INPP4B: variants seen among roughly 807,000 people sequenced by gnomAD.
INPP4B encodes the protein inositol polyphosphate-4-phosphatase type II B, also known as inositol polyphosphate 4-phosphatase type II.
INPP4B carries 55 observed loss-of-function variants against 122.5 expected under a neutral mutation model. That is an observed-to-expected ratio of 0.45 (90% CI 0.36 to 0.56). The LOEUF (loss-of-function observed/expected upper bound fraction) is 0.56. Ranked by LOEUF, INPP4B falls within the 20% of genes least tolerant of loss-of-function variation. The probability of loss-of-function intolerance (pLI) is 0.00; values close to 1 mark genes in which losing one functional copy is unlikely to be tolerated. For synonymous variants in INPP4B, 403 were observed against 388.7 expected (o/e 1.04, Z -0.43); for missense variants, 1,000 against 1,097.7 (o/e 0.91, Z 1.26).
chr4:142,431,238 C>T lies in INPP4B; in HGVS notation c.22G>A (p.Ala8Thr), dbSNP rs781501793. The T allele has an allele frequency of 6.2e-7, 1 of 1,613,102 alleles. No individual in the cohort carries two copies. The highest frequency in any genetic ancestry group is 1.1e-5 in the South Asian group (1 of 91,056). Residue 8 changes from alanine (A) to threonine (T), a missense_variant, in exon 4 of 26, where the codon GCA becomes ACA. Coordinates refer to ENST00000262992, the MANE Select transcript of INPP4B (RefSeq NM_001101669.3). ...AGAAAGTGCTGCCCTTCTTCTGATGCCCCTTCCTCTTTAATTTCCATGATC... is the reference window on the plus strand; with the variant it reads ...AGAAAGTGCTGCCCTTCTTCTGATGTCCCTTCCTCTTTAATTTCCATGATC... MEIKEEG[A>T]SEEGQHFLPT...
chr4:142,327,625 A>G (rs1230552451), intron 7 of INPP4B, among the ~76,000 whole-genome samples: 2 of 152,144 alleles, frequency 1.3e-5, no homozygotes, highest in Non-Finnish European at 2.9e-5. Context: ...ATGGTTCTCA[A>G]CATGGGCTGC....
chr4:142,492,797 G>C (rs1822047790), intron 2 of INPP4B, among the ~76,000 whole-genome samples: 1 of 152,184 alleles, frequency 6.6e-6, no homozygotes, highest in East Asian at 1.9e-4. Context: ...TTTCTGGGGA[G>C]AAATCCAAGC....
intron 3 of INPP4B, among the ~76,000 whole-genome samples, chr4:142,451,865 T>C (rs144611721): frequency 2.1e-3 from 321 of 152,262 alleles, no homozygotes; most frequent in African/African-American, 7.2e-3. Flanking sequence ...CGTTTCAAAT[T>C]AGGATAAGAG....
chr4:142,624,173 A>G (rs1330445600), intron 2 of INPP4B, among the ~76,000 whole-genome samples: 1 of 151,908 alleles, frequency 6.6e-6, no homozygotes, highest in Non-Finnish European at 1.5e-5. Flanking sequence ...GAACTAGTTT[A>G]CAGTCCCACC....
intron 1 of INPP4B, among the ~76,000 whole-genome samples, chr4:142,752,920 G>C (rs1367339918): frequency 6.6e-6 from 1 of 152,092 alleles, no homozygotes. Context: ...GACCCAGGAA[G>C]CACTTCCTAA....
intron 2 of INPP4B, among the ~76,000 whole-genome samples, chr4:142,496,243 C>T (rs1168442944): frequency 6.6e-6 from 1 of 151,914 alleles, no homozygotes; most frequent in Non-Finnish European, 1.5e-5. Flanking sequence ...ATATATTCAT[C>T]TATCTTTTGC....
At chr4:142,102,791 G>C (rs533696251) in intron 23 of INPP4B, among the ~76,000 whole-genome samples, 1 of 152,020 alleles carries the variant, frequency 6.6e-6, no homozygotes, top group East Asian at 1.9e-4. Flanking sequence ...GTCTCAGGGG[G>C]CCTCATCATT....
At chr4:142,426,878 A>C (rs1580024572) in intron 5 of INPP4B, 1 of 152,000 alleles carries the variant, frequency 6.6e-6, no homozygotes, top group African/African-American at 2.4e-5. Flanking sequence ...AGAATCAAAT[A>C]TCAAAGATTT....
At chr4:142,608,278 C>A (rs915479523) in intron 2 of INPP4B, among the ~76,000 whole-genome samples, 1 of 151,946 alleles carries the variant, frequency 6.6e-6, no homozygotes, top group Non-Finnish European at 1.5e-5. Context: ...TTGCATAGGA[C>A]AAAAGTCAAT....
At chr4:142,500,770 C>A (rs1443066833) in intron 2 of INPP4B, among the ~76,000 whole-genome samples, 1 of 151,954 alleles carries the variant, frequency 6.6e-6, no homozygotes, top group Non-Finnish European at 1.5e-5. Flanking sequence ...GTTAGATAAG[C>A]CAGGCACAGA....
At chr4:142,188,891 A>T (rs1834462056) in intron 15 of INPP4B, among the ~76,000 whole-genome samples, 1 of 152,176 alleles carries the variant, frequency 6.6e-6, no homozygotes, top group South Asian at 2.1e-4. Flanking sequence ...GCATCTCCCA[A>T]ATTAATTAGT....
intron 2 of INPP4B, among the ~76,000 whole-genome samples, chr4:142,514,783 C>T (rs1825193320): frequency 6.7e-6 from 1 of 148,508 alleles, no homozygotes; most frequent in Non-Finnish European, 1.5e-5. Flanking sequence ...CCTGCACACA[C>T]CATGATTTCT....
At chr4:142,381,041 A>G (rs112839336) in intron 7 of INPP4B, among the ~76,000 whole-genome samples, 19 of 152,132 alleles carry the variant, frequency 1.2e-4, no homozygotes, top group African/African-American at 4.3e-4. Flanking sequence ...CTAATTTTTC[A>G]CCATTATAAG....
intron 2 of INPP4B, among the ~76,000 whole-genome samples, chr4:142,675,868 C>T (rs749079822): frequency 2.0e-4 from 30 of 151,926 alleles, no homozygotes; most frequent in East Asian, 3.9e-4. Flanking sequence ...GAACTGTTTA[C>T]GACAAACCCA....
At chr4:142,822,654 T>C (rs1780932218) in intron 1 of INPP4B, among the ~76,000 whole-genome samples, 2 of 152,128 alleles carry the variant, frequency 1.3e-5, no homozygotes, top group African/African-American at 2.4e-5. Context: ...CTGTCTTCCA[T>C]GAAACTGGTC....
chr4:142,824,123 T>C (rs1781132667), intron 1 of INPP4B, among the ~76,000 whole-genome samples: 1 of 151,550 alleles, frequency 6.6e-6, no homozygotes, highest in African/African-American at 2.4e-5. Context: ...ACTTAAACCA[T>C]GGCCCCCCCA....
intron 12 of INPP4B, among the ~76,000 whole-genome samples, chr4:142,227,598 C>A (rs755580701): frequency 3.3e-5 from 5 of 151,858 alleles, no homozygotes; most frequent in Non-Finnish European, 7.4e-5. Flanking sequence ...TGGTAACTCA[C>A]ACCTGTAATC....
intron 18 of INPP4B, among the ~76,000 whole-genome samples, chr4:142,135,622 C>T (rs1205704192): frequency 1.3e-5 from 2 of 152,064 alleles, no homozygotes; most frequent in Non-Finnish European, 2.9e-5. Context: ...TGCCTATGGG[C>T]CCTTGTCATT....
rs184948484 is a variant in INPP4B, at chr4:142,645,806, A to T, written c.-191+80033T>A. On this transcript the variant is annotated intron_variant, in intron 2 of 25. Coordinates refer to ENST00000262992, the MANE Select transcript of INPP4B (RefSeq NM_001101669.3). ...GTTTCTTTTTTCCCCCCAAAATGGA[A>T]CCTGGCCTAATTAATACTGTAAGCA... 1.8e-4 allele frequency among the ~76,000 whole-genome samples: 28 copies of T among 152,330 alleles called. No homozygotes were observed. In the East Asian group the frequency reaches 5.0e-3, roughly 27 times the overall value.
Sources: allele counts gnomAD v4.1 joint callset (sites outside exome capture counted in the v4.1 genomes callset), GRCh38; gene constraint gnomAD v4.1.1; transcripts MANE v1.5; gene names NCBI Gene and HGNC (gene_info 2026-07-23, HGNC 2026-07-21).